ZNF609: variants seen among roughly 807,000 people sequenced by gnomAD.
ZNF609 encodes zinc finger protein 609.
ZNF609 carries 11 observed loss-of-function variants against 109.5 expected under a neutral mutation model. The observed-to-expected ratio is 0.10, with a 90% confidence interval of 0.06 to 0.17. The LOEUF is 0.17. Ranked by LOEUF, ZNF609 falls within the 10% of genes least tolerant of loss-of-function variation. The pLI, the probability that ZNF609 is intolerant of heterozygous loss-of-function variation, is 1.00. For synonymous variants in ZNF609, 646 were observed against 662.0 expected (o/e 0.98, Z 0.37); for missense variants, 1,559 against 1,772.4 (o/e 0.88, Z 2.16).
chr15:64,494,558 T>G (rs550674609), intron 1 of ZNF609, among the ~76,000 whole-genome samples: 1 of 152,262 alleles, frequency 6.6e-6, no homozygotes, highest in East Asian at 1.9e-4. Context: ...TTTTTCTTTT[T>G]GAGACAGAGT....
At chr15:64,631,556 G>T in intron 3 of ZNF609, 1 of 537,320 alleles carries the variant, frequency 1.9e-6, no homozygotes, top group Non-Finnish European at 3.5e-6. Context: ...TTTTTAGACG[G>T]AGTTTCGCTC....
intron 4 of ZNF609, 77 bp from the exon 5 acceptor site, chr15:64,673,839 C>T (rs1357768533): frequency 2.7e-6 from 4 of 1,481,106 alleles, no homozygotes; most frequent in Non-Finnish European, 2.7e-6. Flanking sequence ...CTGGACAGTT[C>T]TGGAGGCTAC....
intron 2 of ZNF609, chr15:64,528,802 G>A (rs1291335686): frequency 1.2e-6 from 1 of 824,280 alleles, no homozygotes; most frequent in Non-Finnish European, 2.1e-6. Context: ...AGGTAGAAGA[G>A]TGGGTGTTGC....
chr15:64,676,329 C>A, intron 5 of ZNF609, 73 bp downstream of exon 5: 1 of 1,429,788 alleles, frequency 7.0e-7, no homozygotes, highest in Non-Finnish European at 9.4e-7. Context: ...TAAGGGCTGT[C>A]CTTATACAGG....
chr15:64,523,391 A>G (rs747746463), intron 2 of ZNF609, among the ~76,000 whole-genome samples: 17 of 152,234 alleles, frequency 1.1e-4, no homozygotes, highest in Non-Finnish European at 2.2e-4. Flanking sequence ...TGGTTTGAAG[A>G]AATCAGACCA....
intron 3 of ZNF609, among the ~76,000 whole-genome samples, chr15:64,658,582 A>G (rs1869600914): frequency 6.6e-6 from 1 of 151,962 alleles, no homozygotes; most frequent in Admixed American, 6.6e-5. Flanking sequence ...ACACACACAC[A>G]CATTATATAT....
intron 2 of ZNF609, among the ~76,000 whole-genome samples, chr15:64,607,411 A>G (rs1895620903): frequency 6.6e-6 from 1 of 152,070 alleles, no homozygotes; most frequent in Non-Finnish European, 1.5e-5. Flanking sequence ...TGAATGGAGA[A>G]TCCAGCTGTC....
chr15:64,576,954 A>ATG (rs1555420367), intron 2 of ZNF609, among the ~76,000 whole-genome samples: 4 of 142,288 alleles, frequency 2.8e-5, no homozygotes, highest in East Asian at 2.0e-4. Flanking sequence ...ATATACATAT[A>ATG]TGTATATATA....
chr15:64,487,544 T>C (rs374172783), intron 1 of ZNF609, among the ~76,000 whole-genome samples: 20 of 152,292 alleles, frequency 1.3e-4, no homozygotes, highest in African/African-American at 4.8e-4. Flanking sequence ...TCTTCCCAGT[T>C]GGTATCCCTC....
At chr15:64,598,740 GTGTATATATATATATATA>G (rs1325434638) in intron 2 of ZNF609, among the ~76,000 whole-genome samples, 18 of 84,714 alleles carry the variant, frequency 2.1e-4, no homozygotes, top group African/African-American at 7.2e-4. Flanking sequence ...ATCTTTGTGT[GTGTATATATATATATATA>G]TATATATATA....
intron 4 of ZNF609, among the ~76,000 whole-genome samples, chr15:64,670,931 C>T (rs1057411053): frequency 3.3e-5 from 5 of 149,760 alleles, no homozygotes; most frequent in East Asian, 2.0e-4. Context: ...TTCGGGGGGC[C>T]GGGTACGGTG....
rs1183403329 is a variant in ZNF609, at chr15:64,585,900, C to T, written c.748-36927C>T. 2.0e-5 allele frequency among the ~76,000 whole-genome samples: 3 copies of T among 152,136 alleles called. No homozygotes were observed. The East Asian group carries it at 5.8e-4, about 29-fold the overall frequency. On this transcript the variant is annotated intron_variant, in intron 2 of 9. Transcript: ENST00000326648. ...TTCCTCTGTCGTTCAGACTGGAGTG[C>T]GGTGGCATGATCATGGCTCATTGCC... is the stretch of plus-strand genomic sequence containing the variant.
intron 1 of ZNF609, among the ~76,000 whole-genome samples, chr15:64,488,162 A>C (rs1026070306): frequency 6.6e-6 from 1 of 152,188 alleles, no homozygotes; most frequent in Non-Finnish European, 1.5e-5. Context: ...ACTTTCCCTT[A>C]GATTCTTAAT....
At chr15:64,526,045 C>T (rs931183771) in intron 2 of ZNF609, among the ~76,000 whole-genome samples, 14 of 151,686 alleles carry the variant, frequency 9.2e-5, no homozygotes, top group African/African-American at 3.4e-4. Context: ...CTGCCTAGGC[C>T]TCCCAAAGTG....
rs1418885587 is a variant in ZNF609 at position 64,582,782 on chromosome 15, C to T, written c.748-40045C>T. Among the ~76,000 whole-genome samples, 8 of 97,298 alleles carry T rather than the reference C, an allele frequency of 8.2e-5. No individual in the cohort carries two copies. In the South Asian group the frequency reaches 2.6e-3, roughly 32 times the overall value. The allele number at this position is 97,298 out of a possible 152,430, so 63.8% of individuals were successfully genotyped here. On this transcript the variant is annotated intron_variant, in intron 2 of 9. Transcript: ENST00000326648. ...TTTTTTTTTTTTTGAGACAGAGTCT[C>T]GCTTTGTCACCCAGGATGGAGTGCA... is the stretch of plus-strand genomic sequence containing the variant.
rs1221459648 is a variant in ZNF609 at position 64,638,110 on chromosome 15, G to C, written c.973+15058G>C. ...GTTTAGGATGTAAGTTGGAAGTCAA[G>C]ATTCTTATTTTTTTATATGGATATC... On this transcript the variant is annotated intron_variant, in intron 3 of 9. Coordinates refer to ENST00000326648, the MANE Select transcript of ZNF609 (RefSeq NM_015042.2). Among the ~76,000 whole-genome samples the C allele has an allele frequency of 2.0e-5, 3 of 148,884 alleles. No individual in the cohort carries two copies. In the East Asian group the frequency reaches 5.8e-4, roughly 29 times the overall value.
At chr15:64,516,894 A>G (rs1401621981) in intron 2 of ZNF609, among the ~76,000 whole-genome samples, 1 of 151,986 alleles carries the variant, frequency 6.6e-6, no homozygotes, top group Admixed American at 6.6e-5. Flanking sequence ...TAGCTTATCA[A>G]CTCTCAGGAT....
At chr15:64,647,145 A>G (rs1896348361) in intron 3 of ZNF609, among the ~76,000 whole-genome samples, 1 of 151,878 alleles carries the variant, frequency 6.6e-6, no homozygotes, top group Non-Finnish European at 1.5e-5. Flanking sequence ...CCAAAAAAAA[A>G]AAAATGAAGT....
intron 2 of ZNF609, among the ~76,000 whole-genome samples, chr15:64,568,493 T>C (rs929413329): frequency 5.9e-5 from 9 of 152,126 alleles, no homozygotes; most frequent in Non-Finnish European, 1.3e-4. Context: ...TCCCCCTACA[T>C]CCCAGACCAC....
Sources: gnomAD v4.1 joint callset for allele counts (sites outside exome capture counted in the v4.1 genomes callset) on GRCh38, gnomAD v4.1.1 for gene constraint, MANE v1.5 for transcripts, NCBI Gene and HGNC (gene_info 2026-07-23, HGNC 2026-07-21) for gene names.